CAMK2A: variants seen among roughly 807,000 people sequenced by gnomAD.
CAMK2A encodes the protein calcium/calmodulin-dependent protein kinase type II subunit alpha.
Under a neutral mutation model 79.2 loss-of-function variants are expected in CAMK2A, and 7 were observed. The observed-to-expected ratio is 0.09, with a 90% CI of 0.05 to 0.17. CAMK2A has a LOEUF of 0.17. Ranked by LOEUF, CAMK2A falls within the 10% of genes least tolerant of loss-of-function variation. The pLI is 1.00. For synonymous variants in CAMK2A, 242 were observed against 251.7 expected (o/e 0.96, Z 0.36); for missense variants, 214 against 646.4 (o/e 0.33, Z 7.25).
At chr5:150,268,322 C>A (rs1247908666) in intron 2 of CAMK2A, among the ~76,000 whole-genome samples, 5 of 152,208 alleles carry the variant, frequency 3.3e-5, no homozygotes, top group Non-Finnish European at 5.9e-5. Context: ...CTGGCCTCCT[C>A]TCTGCCCTGA....
At chr5:150,230,606 G>A (rs985901691) in intron 16 of CAMK2A, among the ~76,000 whole-genome samples, 4 of 152,188 alleles carry the variant, frequency 2.6e-5, no homozygotes, top group Non-Finnish European at 4.4e-5. Context: ...TTGCTCTCCC[G>A]GGGGCCAGCT....
chr5:150,221,503 A>G lies in CAMK2A; in HGVS notation c.*1207T>C. On this transcript the variant is annotated 3_prime_UTR_variant, in exon 19 of 19. Transcript: ENST00000671881. ...TGAAATCCTGGGAAGTTCGGTAGAG[A>G]AGACCCCAGTTTGCGAGGGAAGCAA... is the stretch of plus-strand genomic sequence containing the variant. 2.5e-6 allele frequency: 1 copy of G among 398,636 alleles called. No homozygotes were observed. The highest frequency in any genetic ancestry group is 4.4e-6 in the Non-Finnish European group (1 of 226,042). The allele number at this position is 398,636 out of a possible 1,614,324, so 24.7% of individuals were successfully genotyped here.
At chr5:150,238,855 G>T in intron 14 of CAMK2A, 107 bp from the exon 15 acceptor site, 2 of 911,830 alleles carry the variant, frequency 2.2e-6, no homozygotes, top group South Asian at 1.8e-5. Flanking sequence ...AGCCTCACAG[G>T]CTCTGCCTTC....
intron 13 of CAMK2A, 60 bp from the exon 14 acceptor site, chr5:150,239,796 G>T: frequency 6.9e-7 from 1 of 1,452,300 alleles, no homozygotes. Context: ...ACGGCAGGGA[G>T]CAGAGGAACG....
chr5:150,255,871 T>G (rs924827948), intron 6 of CAMK2A, among the ~76,000 whole-genome samples: 2 of 152,332 alleles, frequency 1.3e-5, no homozygotes, highest in East Asian at 3.9e-4. Context: ...TTGCTTGAAC[T>G]CTTAGGCCTT....
In CAMK2A at chr5:150,221,746, T is replaced by TTA; in HGVS notation, c.*963_*964insTA. 2 of 348,766 alleles carry TTA rather than the reference T, an allele frequency of 5.7e-6. No homozygotes were observed. Among genetic ancestry groups the TTA allele is most frequent in the Non-Finnish European group, 9.6e-6 (2 of 209,076 alleles). 21.6% of individuals were successfully genotyped at this position (348,766 alleles called of 1,614,324 possible). On this transcript the variant is annotated 3_prime_UTR_variant, in exon 19 of 19. Transcript: ENST00000671881. Reference sequence around the variant, plus strand: ...CAGGTGACAAGGTCCACCTCAGAGATGACAAAAAAAAAAAAAAAAACTAGA... The same window carrying TTA: ...CAGGTGACAAGGTCCACCTCAGAGATTAGACAAAAAAAAAAAAAAAAACTAGA...
In CAMK2A at chr5:150,221,647, C is replaced by T. The variant is rs1754313615; in HGVS notation, c.*1063G>A. 2.5e-6 allele frequency: 1 copy of T among 397,912 alleles called. No individual in the cohort carries two copies. Among genetic ancestry groups the T allele is most frequent in the Admixed American group, 4.4e-5 (1 of 22,694 alleles). The allele number at this position is 397,912 out of a possible 1,614,324, so 24.6% of individuals were successfully genotyped here. On this transcript the variant is annotated 3_prime_UTR_variant, in exon 19 of 19. Transcript: ENST00000671881. ...ACAGTCCCAAAAGGAACGCCTGTGT[C>T]AGCTCACCTTGGGACCGAAATGGCA...
At chr5:150,252,129 C>G in intron 7 of CAMK2A, 64 bp from the exon 8 acceptor site, 1 of 1,229,966 alleles carries the variant, frequency 8.1e-7, no homozygotes, top group South Asian at 1.3e-5. Flanking sequence ...TAACCTGGAG[C>G]AAGATCCTGC....
intron 15 of CAMK2A, among the ~76,000 whole-genome samples, chr5:150,234,797 G>T (rs1389042981): frequency 6.6e-6 from 1 of 152,126 alleles, no homozygotes; most frequent in Middle Eastern, 3.2e-3. Context: ...CCGGAAGCTG[G>T]CTGCAATGTT....
chr5:150,246,651 A>G (rs985748177), intron 12 of CAMK2A, among the ~76,000 whole-genome samples: 4 of 152,208 alleles, frequency 2.6e-5, no homozygotes, highest in African/African-American at 7.2e-5. Context: ...GACTCTGACT[A>G]TCTGGGTAGC....
At chr5:150,255,333 C>A (rs964828068) in intron 6 of CAMK2A, among the ~76,000 whole-genome samples, 2 of 152,216 alleles carry the variant, frequency 1.3e-5, no homozygotes, top group Non-Finnish European at 2.9e-5. Flanking sequence ...GCCGTGTCTG[C>A]CCAGGACAGT....
In CAMK2A at chr5:150,267,570, C is replaced by T. The variant is rs6896288; in HGVS notation, c.158-2555G>A. Among the ~76,000 whole-genome samples the T allele has an allele frequency of 3.7e-3, 556 of 152,302 alleles. 2 individuals are homozygous for T. The highest frequency in any genetic ancestry group is 0.014 in the Middle Eastern group (4 of 294). ...TCATCTTATGCATGGTACAATTAAC[C>T]TGCATTTTCACTGTTGAAAGCATTC... is the stretch of plus-strand genomic sequence containing the variant. On this transcript the variant is annotated intron_variant, in intron 2 of 18. Coordinates refer to ENST00000671881, the MANE Select transcript of CAMK2A (RefSeq NM_015981.4).
At chr5:150,226,581 A>G (rs1248359725) in intron 17 of CAMK2A, among the ~76,000 whole-genome samples, 1 of 151,708 alleles carries the variant, frequency 6.6e-6, no homozygotes, top group Non-Finnish European at 1.5e-5. Flanking sequence ...CACTAAAAAT[A>G]TAAAAATTAG....
rs2114003469 is a variant in CAMK2A, at chr5:150,219,552, T to G, written c.*3158A>C. 2 of 107,408 alleles carry G rather than the reference T, an allele frequency of 1.9e-5. No homozygotes were observed. Among genetic ancestry groups the G allele is most frequent in the Non-Finnish European group, 2.0e-5 (1 of 49,122 alleles). The allele number at this position is 107,408 out of a possible 1,614,324, so 6.7% of individuals were successfully genotyped here. A position where few individuals can be genotyped will look rare whatever the true frequency, so the allele number is the denominator to read the frequency against. ...CACCAAGAATAAAACAAACGCCCCT[T>G]CTTCCCATCCCACCCGCCCCCCCCA... is the stretch of plus-strand genomic sequence containing the variant. On this transcript the variant is annotated 3_prime_UTR_variant, in exon 19 of 19. Coordinates refer to ENST00000671881, the MANE Select transcript of CAMK2A (RefSeq NM_015981.4).
intron 10 of CAMK2A, 58 bp downstream of exon 10, chr5:150,250,630 G>A: frequency 6.2e-7 from 1 of 1,603,778 alleles, no homozygotes; most frequent in Non-Finnish European, 8.5e-7. Context: ...CTCTGTGGGG[G>A]CCTGGATCAT....
intron 13 of CAMK2A, among the ~76,000 whole-genome samples, chr5:150,241,668 C>G (rs1159161817): frequency 6.8e-6 from 1 of 148,026 alleles, no homozygotes; most frequent in Non-Finnish European, 1.5e-5. Flanking sequence ...CTTCTCCTCT[C>G]CCTTCCTCTT....
At chr5:150,266,286 A>T (rs957703237) in intron 2 of CAMK2A, among the ~76,000 whole-genome samples, 1 of 152,146 alleles carries the variant, frequency 6.6e-6, no homozygotes, top group Non-Finnish European at 1.5e-5. Context: ...CCCCCAAGCA[A>T]TCCTGGGCTG....
In CAMK2A at chr5:150,221,907, G is replaced by T. The variant is rs920029235; in HGVS notation, c.*803C>A. ...CATTTACGAAATACACAGAAATTTG[G>T]CTATAAAAAGGCATGCGGTCCAAGT... On this transcript the variant is annotated 3_prime_UTR_variant, in exon 19 of 19. Transcript: ENST00000671881. The T allele has an allele frequency of 4.2e-5, 12 of 284,032 alleles. No homozygotes were observed. The highest frequency in any genetic ancestry group is 2.4e-4 in the African/African-American group (11 of 45,900). 17.6% of individuals were successfully genotyped at this position (284,032 alleles called of 1,614,324 possible). A position where few individuals can be genotyped will look rare whatever the true frequency, so the allele number is the denominator to read the frequency against.
Position 150,243,750 on chromosome 5 carries a change from A to G in CAMK2A, c.984+1411T>C, listed in dbSNP as rs117996317. Reference sequence around the variant, plus strand: ...GCATTGTATTAGTTAATCCTCACCAATAGGCTTAGGAGGTGGAGATCTCTT... The same window carrying G: ...GCATTGTATTAGTTAATCCTCACCAGTAGGCTTAGGAGGTGGAGATCTCTT... On this transcript the variant is annotated intron_variant, in intron 13 of 18. Coordinates refer to ENST00000671881, the MANE Select transcript of CAMK2A (RefSeq NM_015981.4). Among the ~76,000 whole-genome samples, 121 of 152,338 alleles carry G rather than the reference A, an allele frequency of 7.9e-4. 1 individual carries two copies. In the East Asian group the frequency reaches 0.021, roughly 27 times the overall value.
Sources: gnomAD v4.1 joint callset for allele counts (sites outside exome capture counted in the v4.1 genomes callset) on GRCh38, gnomAD v4.1.1 for gene constraint, MANE v1.5 for transcripts, NCBI Gene and HGNC (gene_info 2026-07-23, HGNC 2026-07-21) for gene names.